The following EBAG9 variants were observed in gnomAD, a reference collection of about 807,000 sequenced individuals.
EBAG9 encodes the protein receptor-binding cancer antigen expressed on SiSo cells.
Under a neutral mutation model 30.9 loss-of-function variants are expected in EBAG9, and 16 were observed. The observed-to-expected ratio is 0.52, with a 90% CI of 0.35 to 0.79. The LOEUF is 0.79. Ranked by LOEUF, EBAG9 falls within the 30% of genes least tolerant of loss-of-function variation. The probability of loss-of-function intolerance (pLI) is 0.01; values close to 1 mark genes in which losing one functional copy is unlikely to be tolerated. For synonymous variants in EBAG9, 93 were observed against 82.8 expected, an observed-to-expected ratio of 1.12 and a Z score of -0.67; for missense variants, 197 against 242.1, an observed-to-expected ratio of 0.81 and a Z score of 1.24.
chr8:109,540,431 A>C lies in EBAG9; in HGVS notation c.-46A>C, dbSNP rs569170708. ...CAGGCGTCGGCTTGTATAACCTGAA[A>C]ACGCTCCTGTTTTTCTCATCTGTGC... On this transcript the variant is annotated 5_prime_UTR_variant, in exon 1 of 7. Transcript: ENST00000337573. 6.6e-6 allele frequency: 1 copy of C among 152,234 alleles called. No homozygotes were observed. Among genetic ancestry groups the C allele is most frequent in the African/African-American group, 2.4e-5 (1 of 41,532 alleles). The allele number at this position is 152,234 out of a possible 1,614,324, so 9.4% of individuals were successfully genotyped here. A position where few individuals can be genotyped will look rare whatever the true frequency, so the allele number is the denominator to read the frequency against.
chr8:109,558,789 ATT>A (rs1821655052), intron 5 of EBAG9, among the ~76,000 whole-genome samples: 2 of 152,182 alleles, frequency 1.3e-5, no homozygotes. Flanking sequence ...TAAACTACAC[ATT>A]TTATTCTTTT....
In EBAG9 at chr8:109,560,924, T is replaced by A. The variant is rs773504243; in HGVS notation, c.516T>A (p.Val172=). 67 of 1,611,830 alleles carry A rather than the reference T, an allele frequency of 4.2e-5. No homozygotes were observed. Among genetic ancestry groups the A allele is most frequent in the Middle Eastern group, 1.6e-4 (1 of 6,068 alleles). ...EEDAAWQAEE[V]LRQQKLADRE... ...ATGCAGCCTGGCAAGCAGAAGAAGT[T>A]CTGAGGTATTTGAGTGGCATTTATA... The change falls in exon 6 of 7, where the codon GTT becomes GTA. Residue 172 remains valine (V), a synonymous_variant. Coordinates refer to ENST00000337573, the MANE Select transcript of EBAG9 (RefSeq NM_004215.5).
At position 109,564,465 on chromosome 8, in the gene EBAG9, A is replaced by G. The variant is rs1437782656; in HGVS notation, c.548A>G (p.Lys183Arg). The change falls in exon 7 of 7, where the codon AAG (lysine) becomes AGG (arginine). Residue 183 changes from lysine to arginine, a missense_variant. Transcript: ENST00000337573. Reference protein sequence around the residue: ...LRQQKLADREKRAAEQQRKKM... With the variant: ...LRQQKLADRERRAAEQQRKKM... ...CAGCAGAAACTAGCAGACAGAGAAA[A>G]GAGAGCAGCCGAACAACAAAGGAAG... 3 of 1,612,646 alleles carry G rather than the reference A, an allele frequency of 1.9e-6. No homozygotes were observed. Among genetic ancestry groups the G allele is most frequent in the Non-Finnish European group, 2.5e-6 (3 of 1,179,036 alleles).
chr8:109,546,576 T>G (rs996028841), intron 1 of EBAG9, among the ~76,000 whole-genome samples: 8 of 152,244 alleles, frequency 5.3e-5, no homozygotes, highest in Non-Finnish European at 7.3e-5. Context: ...AGGATGGCTT[T>G]GACTGCAGCC....
At chr8:109,559,413 A>G (rs371699384) in intron 5 of EBAG9, among the ~76,000 whole-genome samples, 17 of 152,190 alleles carry the variant, frequency 1.1e-4, no homozygotes, top group African/African-American at 4.1e-4. Context: ...AGCTGTGATC[A>G]CACCACTACA....
Position 109,565,859 on chromosome 8 carries a change from C to G in EBAG9, c.*1300C>G, listed in dbSNP as rs1030211169. 4.3e-4 allele frequency: 66 copies of G among 152,018 alleles called. 1 individual carries two copies. Among genetic ancestry groups the G allele is most frequent in the African/African-American group, 1.4e-3 (60 of 41,414 alleles). 9.4% of individuals were successfully genotyped at this position (152,018 alleles called of 1,614,324 possible). A position where few individuals can be genotyped will look rare whatever the true frequency, so the allele number is the denominator to read the frequency against. ...AATGAGAACCCTTTAAGCCCTTAGCCTAAGCTTTCAGACTAAATGTGATTA... is the reference window on the plus strand; with the variant it reads ...AATGAGAACCCTTTAAGCCCTTAGCGTAAGCTTTCAGACTAAATGTGATTA... On this transcript the variant is annotated 3_prime_UTR_variant, in exon 7 of 7. Coordinates refer to ENST00000337573, the MANE Select transcript of EBAG9 (RefSeq NM_004215.5).
In EBAG9 at chr8:109,564,508, A is replaced by G; in HGVS notation, c.591A>G (p.Ala197=). ...AAAGGAAGAAAATGGAAAAGGAAGC[A>G]CAACGGCTAATGAAGAAGGAACAAA... is the stretch of plus-strand genomic sequence containing the variant. ...EQQRKKMEKE[A]QRLMKKEQNK... The change falls in exon 7 of 7, where the codon GCA becomes GCG. Residue 197 remains alanine, a synonymous_variant. Transcript: ENST00000337573. 1 of 1,612,836 alleles carries G rather than the reference A, an allele frequency of 6.2e-7. No individual in the cohort carries two copies. Among genetic ancestry groups the G allele is most frequent in the Non-Finnish European group, 8.5e-7 (1 of 1,179,080 alleles).
Position 109,550,790 on chromosome 8 carries a change from GT to G in EBAG9, c.-15-16del. The stretch of plus-strand genomic sequence containing the variant: ...TTGAAATCAATTTAATGCATTTTTT[GT>G]TTTGTGCCTCTTCCACAGGTTTTGA... On this transcript the variant is annotated intron_variant, in intron 1 of 6. Transcript: ENST00000337573. 2 of 1,449,918 alleles carry G rather than the reference GT, an allele frequency of 1.4e-6. No individual in the cohort carries two copies. Among genetic ancestry groups the G allele is most frequent in the Non-Finnish European group, 9.6e-7 (1 of 1,041,150 alleles). 89.8% of individuals were successfully genotyped at this position (1,449,918 alleles called of 1,614,324 possible).
rs774848033 is a variant in EBAG9, at chr8:109,540,320, C to A, written c.-157C>A. 6.6e-6 allele frequency: 1 copy of A among 152,230 alleles called. No homozygotes were observed. The highest frequency in any genetic ancestry group is 1.5e-5 in the Non-Finnish European group (1 of 68,054). 9.4% of individuals were successfully genotyped at this position (152,230 alleles called of 1,614,324 possible). A position where few individuals can be genotyped will look rare whatever the true frequency, so the allele number is the denominator to read the frequency against. ...CTCCGTCTACAGGCCTTGTACCTCT[C>A]CAGGCCGATTTTTCCACAATTTAAA... On this transcript the variant is annotated 5_prime_UTR_variant, in exon 1 of 7. Coordinates refer to ENST00000337573, the MANE Select transcript of EBAG9 (RefSeq NM_004215.5).
At chr8:109,552,675 A>G (rs951715004) in intron 2 of EBAG9, among the ~76,000 whole-genome samples, 5 of 152,226 alleles carry the variant, frequency 3.3e-5, no homozygotes, top group African/African-American at 9.6e-5. Context: ...TATTGGCACT[A>G]TAAATTTCTG....
chr8:109,564,372 T>C (rs1270392458), intron 6 of EBAG9, 67 bp from the exon 7 acceptor site: 3 of 1,573,808 alleles, frequency 1.9e-6, no homozygotes, highest in Non-Finnish European at 2.6e-6. Flanking sequence ...TGCTATTTCT[T>C]TCTAGAATTT....
chr8:109,544,602 C>T (rs1444012682), intron 1 of EBAG9, among the ~76,000 whole-genome samples: 4 of 152,288 alleles, frequency 2.6e-5, no homozygotes, highest in East Asian at 3.9e-4. Context: ...TAATTCTCCT[C>T]CTTTGACAAA....
intron 2 of EBAG9, among the ~76,000 whole-genome samples, chr8:109,552,070 A>G (rs1412886583): frequency 1.3e-5 from 2 of 152,082 alleles, no homozygotes; most frequent in Non-Finnish European, 2.9e-5. Context: ...GACAGCAATC[A>G]GCTCTTTTTT....
intron 6 of EBAG9, among the ~76,000 whole-genome samples, chr8:109,562,774 A>G (rs1821735942): frequency 6.6e-6 from 1 of 151,840 alleles, no homozygotes; most frequent in Non-Finnish European, 1.5e-5. Flanking sequence ...AGTTTAGAAT[A>G]TTTGTGTTCT....
At chr8:109,543,135 C>CTTTTTTTTTTTTTTTTTTTTTTTTTTTT in intron 1 of EBAG9, among the ~76,000 whole-genome samples, 1 of 52,880 alleles carries the variant, frequency 1.9e-5, no homozygotes, top group Non-Finnish European at 5.1e-5. Flanking sequence ...TATTCTGGTT[C>CTTTTTTTTTTTTTTTTTTTTTTTTTTTT]TTTTTTTTTT....
chr8:109,558,479 G>A (rs923129027), intron 5 of EBAG9, among the ~76,000 whole-genome samples: 8 of 151,988 alleles, frequency 5.3e-5, no homozygotes, highest in Non-Finnish European at 1.2e-4. Flanking sequence ...ATTCATAAAT[G>A]TTTGATCCAT....
At chr8:109,557,514 T>A (rs1821623742) in intron 5 of EBAG9, among the ~76,000 whole-genome samples, 2 of 152,310 alleles carry the variant, frequency 1.3e-5, no homozygotes, top group Middle Eastern at 6.8e-3. Flanking sequence ...AGAATCAGCT[T>A]TGGAGGTTTT....
chr8:109,545,196 C>T (rs537227003), intron 1 of EBAG9, among the ~76,000 whole-genome samples: 8 of 151,274 alleles, frequency 5.3e-5, no homozygotes, highest in African/African-American at 1.9e-4. Context: ...GTGGCAGGCA[C>T]CTGTGGTCCC....
At chr8:109,558,177 G>A (rs1330896390) in intron 5 of EBAG9, among the ~76,000 whole-genome samples, 1 of 152,106 alleles carries the variant, frequency 6.6e-6, no homozygotes, top group African/African-American at 2.4e-5. Flanking sequence ...TGCTTCTGAG[G>A]TCCCTCTTCC....
Sources: gnomAD v4.1 joint callset for allele counts (sites outside exome capture counted in the v4.1 genomes callset) on GRCh38, gnomAD v4.1.1 for gene constraint, MANE v1.5 for transcripts, NCBI Gene and HGNC (gene_info 2026-07-23, HGNC 2026-07-21) for gene names.